The following RBFOX1 variants were observed in gnomAD, a reference collection of about 807,000 sequenced individuals.
RBFOX1 encodes RNA binding protein fox-1 homolog 1.
Under a neutral mutation model 57.7 loss-of-function variants are expected in RBFOX1, and 8 were observed. The ratio of observed to expected loss-of-function variants is 0.14; its 90% CI spans 0.08 to 0.25. RBFOX1 has a LOEUF of 0.25. Among genes scored for constraint, RBFOX1 ranks in the 10% least tolerant of loss-of-function variants. The pLI is 1.00. For synonymous variants in RBFOX1, 326 were observed against 222.4 expected, an observed-to-expected ratio of 1.47 and a Z score of -4.15; for missense variants, 611 against 548.5, an observed-to-expected ratio of 1.11 and a Z score of -1.14.
intron 4 of RBFOX1, among the ~76,000 whole-genome samples, chr16:7,194,567 C>T (rs2152670497): frequency 6.6e-6 from 1 of 152,240 alleles, no homozygotes; most frequent in South Asian, 2.1e-4. Context: ...ATGCCTGAAA[C>T]CATCTTTGAA....
intron 4 of RBFOX1, among the ~76,000 whole-genome samples, chr16:7,242,769 T>A (rs2094129598): frequency 6.6e-6 from 1 of 152,232 alleles, no homozygotes; most frequent in Non-Finnish European, 1.5e-5. Flanking sequence ...ACTAGTTGTC[T>A]GCAAGAACTG....
At chr16:7,068,284 T>G (rs1051462929) in intron 4 of RBFOX1, among the ~76,000 whole-genome samples, 4 of 152,318 alleles carry the variant, frequency 2.6e-5, no homozygotes, top group African/African-American at 9.6e-5. Flanking sequence ...ATCCCCACTC[T>G]AAGTAGACTG....
chr16:5,487,721 A>T (rs111854731), intron 2 of RBFOX1, among the ~76,000 whole-genome samples: 3,957 of 152,276 alleles, frequency 0.026, 175 homozygotes, highest in African/African-American at 0.09. Context: ...TCTTCCAGGC[A>T]TAGGAAGTTT....
chr16:6,722,919 G>A (rs374171326), intron 3 of RBFOX1, among the ~76,000 whole-genome samples: 1 of 152,202 alleles, frequency 6.6e-6, no homozygotes, highest in Admixed American at 6.5e-5. Context: ...AATATTTGTG[G>A]TTGGGGACTA....
chr16:7,501,879 A>G lies in RBFOX1; in HGVS notation c.28-16268A>G, dbSNP rs960095619. Among the ~76,000 whole-genome samples the G allele has an allele frequency of 3.3e-5, 5 of 152,282 alleles. No individual in the cohort carries two copies. The South Asian group carries it at 6.2e-4, about 19-fold the overall frequency. Reference sequence around the variant, plus strand: ...CTATGACTCCTGCCAGCCTGTAGCTATAGAGGTACCTGGGCTATGTCTACC... The same window carrying G: ...CTATGACTCCTGCCAGCCTGTAGCTGTAGAGGTACCTGGGCTATGTCTACC... On this transcript the variant is annotated intron_variant, in intron 4 of 15. Transcript: ENST00000550418.
At chr16:6,966,831 C>A in intron 3 of RBFOX1, among the ~76,000 whole-genome samples, 1 of 138,734 alleles carries the variant, frequency 7.2e-6, no homozygotes, top group Non-Finnish European at 1.6e-5. Flanking sequence ...ATCTATCTGT[C>A]TATCTATCTA....
chr16:6,871,843 A>G lies in RBFOX1; in HGVS notation c.-15-180214A>G, dbSNP rs542735827. Among the ~76,000 whole-genome samples the G allele has an allele frequency of 2.6e-4, 40 of 151,326 alleles. No individual in the cohort carries two copies. In the South Asian group the frequency reaches 6.1e-3, roughly 23 times the overall value. On this transcript the variant is annotated intron_variant, in intron 3 of 15. Coordinates refer to ENST00000550418, the MANE Select transcript of RBFOX1 (RefSeq NM_018723.4). ...TCAAAGTGCAGTTGCTGCTTAGCCTATCGTGTCCTAAATCCGCATCTGATG... is the reference window on the plus strand; with the variant it reads ...TCAAAGTGCAGTTGCTGCTTAGCCTGTCGTGTCCTAAATCCGCATCTGATG...
chr16:7,084,906 C>A (rs913855481), intron 4 of RBFOX1, among the ~76,000 whole-genome samples: 1 of 152,104 alleles, frequency 6.6e-6, no homozygotes, highest in Non-Finnish European at 1.5e-5. Context: ...GTCCAACCAG[C>A]CATTCAGCCA....
chr16:6,986,053 A>C (rs900124728), intron 3 of RBFOX1, among the ~76,000 whole-genome samples: 1 of 151,564 alleles, frequency 6.6e-6, no homozygotes, highest in African/African-American at 2.4e-5. Context: ...TCCAATTTTT[A>C]AATTTCATTT....
At chr16:6,848,283 G>T (rs879462264) in intron 3 of RBFOX1, among the ~76,000 whole-genome samples, 6 of 152,072 alleles carry the variant, frequency 3.9e-5, no homozygotes, top group Non-Finnish European at 7.4e-5. Flanking sequence ...TGACCATGTG[G>T]GAAGGTGGGC....
chr16:5,664,352 A>G (rs747216616), intron 3 of RBFOX1, among the ~76,000 whole-genome samples: 12 of 152,138 alleles, frequency 7.9e-5, no homozygotes, highest in African/African-American at 1.9e-4. Context: ...GATCGAGACC[A>G]TACTGGCCAA....
chr16:6,909,017 T>C (rs2070841821), intron 3 of RBFOX1, among the ~76,000 whole-genome samples: 1 of 152,134 alleles, frequency 6.6e-6, no homozygotes, highest in African/African-American at 2.4e-5. Flanking sequence ...TCCATTTCTG[T>C]AGGAGGTTCT....
chr16:7,195,631 C>T (rs2086511329), intron 4 of RBFOX1, among the ~76,000 whole-genome samples: 1 of 152,148 alleles, frequency 6.6e-6, no homozygotes, highest in Admixed American at 6.6e-5. Flanking sequence ...GATCTCAACT[C>T]ACTGCAACCT....
chr16:6,828,894 G>A lies in RBFOX1; in HGVS notation c.-16+174244G>A, dbSNP rs2092456583. On this transcript the variant is annotated intron_variant, in intron 3 of 15. Coordinates refer to ENST00000550418, the MANE Select transcript of RBFOX1 (RefSeq NM_018723.4). Reference sequence around the variant, plus strand: ...CCCTTGGCTAAAGAAACACATAAAGGTAGCAGCCCCAAATCCCCTTAGGCA... The same window carrying A: ...CCCTTGGCTAAAGAAACACATAAAGATAGCAGCCCCAAATCCCCTTAGGCA... 2.0e-5 allele frequency among the ~76,000 whole-genome samples: 3 copies of A among 152,068 alleles called. No homozygotes were observed. The South Asian group carries it at 6.2e-4, about 31-fold the overall frequency.
chr16:5,290,902 T>C (rs1363725389), intron 1 of RBFOX1, among the ~76,000 whole-genome samples: 1 of 152,100 alleles, frequency 6.6e-6, no homozygotes, highest in Non-Finnish European at 1.5e-5. Context: ...TTTCACCATG[T>C]TGACCAGGCT....
chr16:6,609,880 C>T (rs2098015795), intron 2 of RBFOX1, among the ~76,000 whole-genome samples: 1 of 151,948 alleles, frequency 6.6e-6, no homozygotes, highest in African/African-American at 2.4e-5. Context: ...TGGTGGTGCG[C>T]ACCTGTAGTC....
chr16:5,576,177 G>T (rs1180759409), intron 2 of RBFOX1, among the ~76,000 whole-genome samples: 1 of 152,042 alleles, frequency 6.6e-6, no homozygotes, highest in Non-Finnish European at 1.5e-5. Flanking sequence ...AGTAGAGATG[G>T]GGTTTTACCT....
chr16:6,570,299 G>A lies in RBFOX1; in HGVS notation c.-63-84304G>A, dbSNP rs113729651. Among the ~76,000 whole-genome samples, 303 of 152,150 alleles carry A rather than the reference G, an allele frequency of 2.0e-3. 1 individual carries two copies. The highest frequency in any genetic ancestry group is 6.4e-3 in the African/African-American group (264 of 41,508). Reference sequence around the variant, plus strand: ...TTTTGTTTTGAAAATCAGTGTTTTTGTGTTTTAACTCTCAATGTATGCTGC... The same window carrying A: ...TTTTGTTTTGAAAATCAGTGTTTTTATGTTTTAACTCTCAATGTATGCTGC... On this transcript the variant is annotated intron_variant, in intron 2 of 15. Coordinates refer to ENST00000550418, the MANE Select transcript of RBFOX1 (RefSeq NM_018723.4).
intron 1 of RBFOX1, among the ~76,000 whole-genome samples, chr16:6,217,045 G>T (rs1239469448): frequency 1.3e-5 from 2 of 151,974 alleles, no homozygotes; most frequent in African/African-American, 4.8e-5. Context: ...CAGGTAACCT[G>T]TTCTGACATA....
Sources: gnomAD v4.1 joint callset for allele counts (sites outside exome capture counted in the v4.1 genomes callset) on GRCh38, gnomAD v4.1.1 for gene constraint, MANE v1.5 for transcripts, NCBI Gene and HGNC (gene_info 2026-07-23, HGNC 2026-07-21) for gene names.